Variants in TENM3 observed in about 807,000 individuals in gnomAD.
TENM3 encodes the protein teneurin-3.
In TENM3, 63 loss-of-function variants were observed where a neutral mutation model predicts 255.1. The ratio of observed to expected loss-of-function variants is 0.25; its 90% CI spans 0.20 to 0.30. The LOEUF (loss-of-function observed/expected upper bound fraction) is 0.30. Among genes scored for constraint, TENM3 ranks in the 10% least tolerant of loss-of-function variants. The probability of loss-of-function intolerance (pLI) is 1.00; values close to 1 mark genes in which losing one functional copy is unlikely to be tolerated. For synonymous variants in TENM3, 1,306 were observed against 1,322.3 expected (o/e 0.99, Z 0.27); for missense variants, 2,929 against 3,461.1 (o/e 0.85, Z 3.86).
At chr4:182,026,151 G>A in the TENM3 span, among the ~76,000 whole-genome samples, 2 of 152,180 alleles carry the variant, frequency 1.3e-5, no homozygotes, top group Non-Finnish European at 2.9e-5. Context: ...AAAGACATGA[G>A]CTCATCCTTT....
chr4:181,805,597 T>TTGTG, the TENM3 span, among the ~76,000 whole-genome samples: 44,827 of 150,288 alleles, frequency 0.3, 6,754 homozygotes, highest in East Asian at 0.49. Flanking sequence ...GTGTGCACTT[T>TTGTG]TGTGTGTGTG....
At chr4:181,711,961 G>T in the TENM3 span, among the ~76,000 whole-genome samples, 1 of 152,176 alleles carries the variant, frequency 6.6e-6, no homozygotes, top group Non-Finnish European at 1.5e-5. Flanking sequence ...AATGTTTTCA[G>T]TGATCCCCGT....
intron 3 of TENM3, among the ~76,000 whole-genome samples, chr4:182,418,948 G>C (rs1303833262): frequency 1.3e-5 from 2 of 152,140 alleles, no homozygotes; most frequent in African/African-American, 4.8e-5. Context: ...TCTGCGGCAC[G>C]TTCCGTCCTT....
intron 24 of TENM3, among the ~76,000 whole-genome samples, chr4:182,787,651 T>G (rs1367101092): frequency 6.7e-6 from 1 of 148,990 alleles, no homozygotes; most frequent in Non-Finnish European, 1.5e-5. Flanking sequence ...GGAGAATGGC[T>G]TGAACCCCGG....
the TENM3 span, among the ~76,000 whole-genome samples, chr4:181,745,543 C>A: frequency 6.6e-6 from 1 of 152,098 alleles, no homozygotes; most frequent in Non-Finnish European, 1.5e-5. Context: ...TCCCTGAGGT[C>A]CATGAGAGGG....
chr4:181,872,296 G>A, the TENM3 span, among the ~76,000 whole-genome samples: 84 of 151,006 alleles, frequency 5.6e-4, no homozygotes, highest in African/African-American at 1.9e-3. Flanking sequence ...TGCTTTTTGT[G>A]TTAATATTTG....
intron 23 of TENM3, among the ~76,000 whole-genome samples, chr4:182,774,252 C>T (rs1764497315): frequency 6.6e-6 from 1 of 152,050 alleles, no homozygotes; most frequent in African/African-American, 2.4e-5. Context: ...AATCTGTATT[C>T]AACTTTTTGA....
chr4:182,031,940 A>G, the TENM3 span, among the ~76,000 whole-genome samples: 1 of 152,216 alleles, frequency 6.6e-6, no homozygotes, highest in Non-Finnish European at 1.5e-5. Flanking sequence ...TATTAGCTTA[A>G]GAAGCTTTTG....
At chr4:182,601,289 A>G (rs1043628235) in intron 4 of TENM3, 128 bp downstream of exon 4, 15 of 744,000 alleles carry the variant, frequency 2.0e-5, no homozygotes, top group Non-Finnish European at 2.6e-5. Flanking sequence ...TTTCTTCTCT[A>G]AGAAGCAGTT....
the TENM3 span, among the ~76,000 whole-genome samples, chr4:181,974,779 C>T: frequency 6.6e-6 from 1 of 152,186 alleles, no homozygotes; most frequent in Non-Finnish European, 1.5e-5. Context: ...TTCCCCCACC[C>T]TCTTTCTTTA....
chr4:182,776,850 A>G (rs1369208345), intron 24 of TENM3, among the ~76,000 whole-genome samples: 1 of 152,214 alleles, frequency 6.6e-6, no homozygotes, highest in African/African-American at 2.4e-5. Context: ...AAGACGTTTT[A>G]GAAAATACGC....
At chr4:182,202,810 C>A (rs1354307374) in intron 1 of TENM3, among the ~76,000 whole-genome samples, 1 of 152,166 alleles carries the variant, frequency 6.6e-6, no homozygotes, top group Non-Finnish European at 1.5e-5. Flanking sequence ...ATCCAGAGAA[C>A]CTGTGCCTGT....
the TENM3 span, among the ~76,000 whole-genome samples, chr4:182,015,170 G>C: frequency 1.3e-5 from 2 of 152,160 alleles, no homozygotes; most frequent in African/African-American, 4.8e-5. Context: ...CACAGCCTGA[G>C]CGGATGGCAG....
chr4:181,638,914 G>C, the TENM3 span, among the ~76,000 whole-genome samples: 1 of 152,152 alleles, frequency 6.6e-6, no homozygotes, highest in African/African-American at 2.4e-5. Context: ...TAGCCCAAAG[G>C]TCATATTGAA....
chr4:182,028,358 T>C, the TENM3 span, among the ~76,000 whole-genome samples: 1 of 152,198 alleles, frequency 6.6e-6, no homozygotes, highest in Non-Finnish European at 1.5e-5. Flanking sequence ...ATCTTCTCTG[T>C]TTTTCTTAGT....
intron 6 of TENM3, among the ~76,000 whole-genome samples, chr4:182,656,820 A>T (rs1022393024): frequency 2.0e-5 from 3 of 152,212 alleles, no homozygotes; most frequent in Non-Finnish European, 2.9e-5. Context: ...ATTTAAGTTA[A>T]CAGTGAGCCA....
chr4:182,597,361 G>A (rs1747366262), intron 3 of TENM3, among the ~76,000 whole-genome samples: 1 of 152,118 alleles, frequency 6.6e-6, no homozygotes, highest in South Asian at 2.1e-4. Context: ...GTGAGCTGTA[G>A]TCATACCACT....
the TENM3 span, among the ~76,000 whole-genome samples, chr4:181,955,410 A>G: frequency 6.6e-6 from 1 of 152,206 alleles, no homozygotes; most frequent in East Asian, 1.9e-4. Context: ...CTTTGGGCCA[A>G]TACTTGAAAG....
Position 182,673,223 on chromosome 4 carries a change from A to T in TENM3, c.1326+4A>T. The T allele has an allele frequency of 6.4e-7, 1 of 1,571,602 alleles. No individual in the cohort carries two copies. The highest frequency in any genetic ancestry group is 8.7e-7 in the Non-Finnish European group (1 of 1,152,796). ...CTTACCGCCTTCCCATACTCAGGTA[A>T]GACTAGGCTTTCTTATCAATAAAAT... On this transcript the variant is annotated splice_donor_region_variant and intron_variant, in intron 7 of 27. Coordinates refer to ENST00000511685, the MANE Select transcript of TENM3 (RefSeq NM_001080477.4).
Sources: gnomAD v4.1 joint callset for allele counts (sites outside exome capture counted in the v4.1 genomes callset) on GRCh38, gnomAD v4.1.1 for gene constraint, MANE v1.5 for transcripts, NCBI Gene and HGNC (gene_info 2026-07-23, HGNC 2026-07-21) for gene names.